Variants in CNTN1 observed in about 807,000 individuals in gnomAD.
CNTN1 encodes contactin-1.
CNTN1 carries 38 observed loss-of-function variants against 126.4 expected under a neutral mutation model. The ratio of observed to expected loss-of-function variants is 0.30; its 90% confidence interval spans 0.23 to 0.39. The LOEUF (loss-of-function observed/expected upper bound fraction) is 0.39. Among genes scored for constraint, CNTN1 ranks in the 10% least tolerant of loss-of-function variants. CNTN1 has a pLI of 1.00. For missense variants in CNTN1, 1,009 were observed against 1,248.4 expected, an observed-to-expected ratio of 0.81 and a Z score of 2.89; for synonymous variants, 413 against 422.6, an observed-to-expected ratio of 0.98 and a Z score of 0.28.
intron 1 of CNTN1, among the ~76,000 whole-genome samples, chr12:40,873,919 A>G (rs1213421670): frequency 6.6e-6 from 1 of 152,118 alleles, no homozygotes; most frequent in Non-Finnish European, 1.5e-5. Flanking sequence ...ATTACCTCTC[A>G]TCCTTCCAAT....
At chr12:40,767,216 G>A (rs1939129531) in intron 1 of CNTN1, among the ~76,000 whole-genome samples, 2 of 151,290 alleles carry the variant, frequency 1.3e-5, no homozygotes, top group Non-Finnish European at 2.9e-5. Flanking sequence ...ATTACTAGGG[G>A]TCAAGGGGTC....
intron 15 of CNTN1, among the ~76,000 whole-genome samples, chr12:40,966,360 C>A (rs1374884182): frequency 6.6e-6 from 1 of 152,096 alleles, no homozygotes; most frequent in Non-Finnish European, 1.5e-5. Flanking sequence ...CCTGACCCCA[C>A]TCTGCACTAA....
At chr12:41,061,631 C>G in intron 23 of CNTN1, 1 of 311,492 alleles carries the variant, frequency 3.2e-6, no homozygotes, top group Middle Eastern at 6.3e-4. Context: ...GAAAATGTAA[C>G]AAATATGTTT....
intron 1 of CNTN1, among the ~76,000 whole-genome samples, chr12:40,832,489 G>A (rs1418788641): frequency 1.3e-5 from 2 of 152,158 alleles, no homozygotes; most frequent in Non-Finnish European, 2.9e-5. Context: ...GGAACAATAG[G>A]CTATGCCATA....
chr12:40,773,664 T>C (rs1939448498), intron 1 of CNTN1, among the ~76,000 whole-genome samples: 1 of 8,118 alleles, frequency 1.2e-4, no homozygotes, highest in African/African-American at 2.3e-4. Flanking sequence ...TACACATATA[T>C]ATATATATAC....
chr12:40,697,370 T>C (rs552664090), intron 1 of CNTN1, among the ~76,000 whole-genome samples: 1 of 152,366 alleles, frequency 6.6e-6, no homozygotes, highest in Admixed American at 6.5e-5. Flanking sequence ...AGTTCAAAAA[T>C]GTTATATTTA....
chr12:40,806,079 T>C (rs79055886), intron 1 of CNTN1, among the ~76,000 whole-genome samples: 3,651 of 152,266 alleles, frequency 0.024, 74 homozygotes, highest in African/African-American at 0.055. Context: ...GGTAGAATGC[T>C]GTTGCTTGAT....
intron 1 of CNTN1, among the ~76,000 whole-genome samples, chr12:40,856,762 C>T (rs1335567413): frequency 6.6e-6 from 1 of 151,990 alleles, no homozygotes. Flanking sequence ...AAAAGTCCAG[C>T]AGCAGGAGGT....
chr12:40,899,776 C>T (rs1944542866), intron 1 of CNTN1, among the ~76,000 whole-genome samples: 1 of 152,094 alleles, frequency 6.6e-6, no homozygotes, highest in Non-Finnish European at 1.5e-5. Context: ...GCTCAGAAAT[C>T]GATCTTAACA....
At chr12:40,939,726 GT>G (rs1056742140) in intron 12 of CNTN1, among the ~76,000 whole-genome samples, 1 of 151,866 alleles carries the variant, frequency 6.6e-6, no homozygotes, top group African/African-American at 2.4e-5. Context: ...GCTCAGAGGT[GT>G]TTTTTTGTTG....
At chr12:40,892,216 A>T (rs1944261985) in intron 1 of CNTN1, among the ~76,000 whole-genome samples, 1 of 152,106 alleles carries the variant, frequency 6.6e-6, no homozygotes, top group South Asian at 2.1e-4. Context: ...AATGATGTAT[A>T]GACTGGATGC....
At chr12:40,974,140 A>G (rs533081957) in intron 15 of CNTN1, among the ~76,000 whole-genome samples, 1 of 152,210 alleles carries the variant, frequency 6.6e-6, no homozygotes, top group Non-Finnish European at 1.5e-5. Context: ...AGTAAAAATC[A>G]AATCTATATT....
chr12:40,972,268 G>A, intron 15 of CNTN1: 2 of 985,232 alleles, frequency 2.0e-6, no homozygotes, highest in African/African-American at 3.5e-5. Flanking sequence ...GATTTTTACT[G>A]GGAGGACTTG....
intron 17 of CNTN1, among the ~76,000 whole-genome samples, chr12:40,997,624 C>A (rs1592378764): frequency 2.0e-5 from 3 of 152,188 alleles, no homozygotes; most frequent in African/African-American, 7.2e-5. Flanking sequence ...CATCTGAAGA[C>A]CTGAATTAAA....
intron 7 of CNTN1, among the ~76,000 whole-genome samples, chr12:40,933,114 C>T (rs868077992): frequency 1.3e-5 from 2 of 151,752 alleles, no homozygotes; most frequent in South Asian, 4.2e-4. Flanking sequence ...TCTTCTCTTT[C>T]CTTCTCCCTC....
At chr12:41,012,192 C>G (rs1948675652) in intron 17 of CNTN1, among the ~76,000 whole-genome samples, 1 of 150,008 alleles carries the variant, frequency 6.7e-6, no homozygotes, top group Admixed American at 6.7e-5. Flanking sequence ...CTCTCCAGAT[C>G]AAGGGCAGAG....
chr12:40,928,435 C>CA (rs1455776267), intron 6 of CNTN1, among the ~76,000 whole-genome samples: 1 of 151,864 alleles, frequency 6.6e-6, no homozygotes, highest in African/African-American at 2.4e-5. Flanking sequence ...CCTAAATCAG[C>CA]AAGAAGAAAA....
intron 17 of CNTN1, among the ~76,000 whole-genome samples, chr12:41,007,789 G>A (rs984881241): frequency 5.9e-5 from 9 of 152,142 alleles, no homozygotes; most frequent in Non-Finnish European, 1.2e-4. Context: ...ACACTTGGCC[G>A]ACAAAGGGAA....
At chr12:41,058,593 C>T (rs907533837) in intron 23 of CNTN1, among the ~76,000 whole-genome samples, 1 of 151,888 alleles carries the variant, frequency 6.6e-6, no homozygotes, top group East Asian at 1.9e-4. Flanking sequence ...ATCTTTTTTT[C>T]CCCTTTTTTT....
Sources: allele counts gnomAD v4.1 joint callset (sites outside exome capture counted in the v4.1 genomes callset), GRCh38; gene constraint gnomAD v4.1.1; transcripts MANE v1.5; gene names NCBI Gene and HGNC (gene_info 2026-07-23, HGNC 2026-07-21).